OSBPL1A: variants seen among roughly 807,000 people sequenced by gnomAD.
The protein encoded by OSBPL1A is oxysterol binding protein like 1A.
A neutral mutation model predicts 137.1 loss-of-function variants in OSBPL1A; 80 were observed. The observed-to-expected ratio is 0.58, with a 90% CI of 0.49 to 0.70. The LOEUF (loss-of-function observed/expected upper bound fraction) is 0.70. Among genes scored for constraint, OSBPL1A ranks in the 30% least tolerant of loss-of-function variants. The probability of loss-of-function intolerance (pLI) is 0.00; values close to 1 mark genes in which losing one functional copy is unlikely to be tolerated. For synonymous variants in OSBPL1A, 365 were observed against 389.7 expected (o/e 0.94, Z 0.75); for missense variants, 970 against 1,129.4 (o/e 0.86, Z 2.02).
At chr18:24,312,774 T>C (rs2146114344) in intron 12 of OSBPL1A, among the ~76,000 whole-genome samples, 1 of 152,294 alleles carries the variant, frequency 6.6e-6, no homozygotes, top group East Asian at 1.9e-4. Context: ...GGAAAATAGA[T>C]TATTTTAACC....
At chr18:24,310,262 G>T (rs943954800) in intron 13 of OSBPL1A, among the ~76,000 whole-genome samples, 2 of 151,592 alleles carry the variant, frequency 1.3e-5, no homozygotes, top group Admixed American at 1.3e-4. Flanking sequence ...TATAGTCGAG[G>T]TTGATGACCT....
chr18:24,306,696 A>G (rs967702932), intron 13 of OSBPL1A, among the ~76,000 whole-genome samples: 1 of 152,184 alleles, frequency 6.6e-6, no homozygotes, highest in African/African-American at 2.4e-5. Context: ...CAACATTTTG[A>G]CATAATAAAA....
intron 13 of OSBPL1A, among the ~76,000 whole-genome samples, chr18:24,309,764 T>C (rs2090578354): frequency 6.6e-6 from 1 of 151,982 alleles, no homozygotes; most frequent in South Asian, 2.1e-4. Flanking sequence ...TTCACAGCAT[T>C]GGCCAGGCAT....
At chr18:24,216,756 TA>T (rs971832544) in intron 17 of OSBPL1A, among the ~76,000 whole-genome samples, 4 of 152,120 alleles carry the variant, frequency 2.6e-5, no homozygotes, top group Admixed American at 2.6e-4. Context: ...GTTCATCGGT[TA>T]TTTTTTTTTT....
At chr18:24,312,733 G>A (rs2090641288) in intron 12 of OSBPL1A, among the ~76,000 whole-genome samples, 7 of 152,012 alleles carry the variant, frequency 4.6e-5, no homozygotes, top group Admixed American at 4.6e-4. Flanking sequence ...GATTGTTTAG[G>A]GTTCTTTGCA....
Position 24,318,648 on chromosome 18 carries a change from G to A in OSBPL1A, c.688-3C>T. ...CGTTTCAATGCTTTGTAGATGACCT[G>A]TCAAAAACATGTTTTCATGAAAAAT... On this transcript the variant is annotated splice_polypyrimidine_tract_variant and splice_region_variant and intron_variant, in intron 8 of 27. Transcript: ENST00000319481. The A allele has an allele frequency of 6.2e-7, 1 of 1,609,012 alleles. No individual in the cohort carries two copies. Among genetic ancestry groups the A allele is most frequent in the South Asian group, 1.1e-5 (1 of 89,902 alleles).
chr18:24,205,676 T>A (rs1051961081), intron 17 of OSBPL1A, among the ~76,000 whole-genome samples: 2 of 152,196 alleles, frequency 1.3e-5, no homozygotes, highest in South Asian at 4.1e-4. Context: ...GCCTGAGTTG[T>A]TAAAGATTTA....
intron 4 of OSBPL1A, among the ~76,000 whole-genome samples, chr18:24,359,113 G>A (rs1055275458): frequency 3.3e-5 from 5 of 152,000 alleles, no homozygotes; most frequent in Non-Finnish European, 7.4e-5. Context: ...AATTCCTGGG[G>A]AGGCTAGGGT....
intron 11 of OSBPL1A, among the ~76,000 whole-genome samples, chr18:24,315,819 T>TATATA (rs1421046316): frequency 9.5e-5 from 5 of 52,742 alleles, no homozygotes; most frequent in Non-Finnish European, 1.7e-4. Context: ...TATAATAAAA[T>TATATA]ATATAATATA....
chr18:24,230,216 C>T (rs954071463), intron 16 of OSBPL1A, among the ~76,000 whole-genome samples: 3 of 152,042 alleles, frequency 2.0e-5, no homozygotes, highest in Non-Finnish European at 2.9e-5. Flanking sequence ...GGTTAGGCCA[C>T]GACACTCAGG....
intron 4 of OSBPL1A, among the ~76,000 whole-genome samples, chr18:24,351,347 C>CAAAAAAAAAAATAAA (rs2091436006): frequency 2.8e-5 from 1 of 35,770 alleles, no homozygotes. Context: ...GACTCTGTCT[C>CAAAAAAAAAAATAAA]AAAAAAAAAA....
intron 17 of OSBPL1A, among the ~76,000 whole-genome samples, chr18:24,208,038 C>T (rs965906940): frequency 5.3e-5 from 8 of 152,190 alleles, no homozygotes; most frequent in African/African-American, 1.9e-4. Flanking sequence ...AACCACCGCG[C>T]CCTGCCTACA....
At chr18:24,337,659 A>C (rs1212251055) in intron 5 of OSBPL1A, among the ~76,000 whole-genome samples, 1 of 151,698 alleles carries the variant, frequency 6.6e-6, no homozygotes, top group Non-Finnish European at 1.5e-5. Context: ...GTCACAATTA[A>C]ATGCAATGTG....
At chr18:24,332,405 A>C (rs2091096867) in intron 7 of OSBPL1A, among the ~76,000 whole-genome samples, 1 of 133,450 alleles carries the variant, frequency 7.5e-6, no homozygotes, top group South Asian at 2.3e-4. Context: ...AAAAAAAAAA[A>C]AAAAAAAAAA....
chr18:24,314,273 C>A lies in OSBPL1A; in HGVS notation c.945G>T (p.Lys315Asn), dbSNP rs759821036. 91 of 1,609,430 alleles carry A rather than the reference C, an allele frequency of 5.7e-5. No homozygotes were observed. The highest frequency in any genetic ancestry group is 2.4e-4 in the South Asian group (22 of 90,048). ...CCTCTCTTGACTGCTGAAGGCTATT[C>A]TTAGGAACCCGGAAGCCATGAATGG... is the stretch of plus-strand genomic sequence containing the variant. ...DDTIHGFRVP[K>N]NSLQQSREDW... The change falls in exon 12 of 28, where the codon AAG becomes AAT. Residue 315 changes from lysine to asparagine, a missense_variant. Around this residue, in one of 2 missense-constraint regions of OSBPL1A, gnomAD observed 647 missense variants for 672.6 expected, o/e 0.96. Transcript: ENST00000319481.
intron 15 of OSBPL1A, among the ~76,000 whole-genome samples, chr18:24,248,913 T>A (rs1448704989): frequency 2.0e-5 from 3 of 152,238 alleles, no homozygotes; most frequent in Admixed American, 6.5e-5. Flanking sequence ...CAAATGACAA[T>A]TTAACAAATA....
At chr18:24,237,554 C>A (rs1434956297) in intron 16 of OSBPL1A, among the ~76,000 whole-genome samples, 4 of 152,216 alleles carry the variant, frequency 2.6e-5, no homozygotes, top group Non-Finnish European at 4.4e-5. Flanking sequence ...GTCCTCCTGC[C>A]TTGGCCTCCC....
chr18:24,316,471 A>G (rs949720738), intron 11 of OSBPL1A, among the ~76,000 whole-genome samples: 2 of 152,224 alleles, frequency 1.3e-5, no homozygotes, highest in African/African-American at 4.8e-5. Flanking sequence ...TGGATAGGAA[A>G]AAGACACCAT....
chr18:24,175,108 G>A (rs9964058), intron 21 of OSBPL1A, among the ~76,000 whole-genome samples: 23,749 of 110,106 alleles, frequency 0.22, 4,284 homozygotes, highest in African/African-American at 0.56. Context: ...CCATGTGTAT[G>A]TATATATATA....
Sources: gnomAD v4.1 joint callset for allele counts (sites outside exome capture counted in the v4.1 genomes callset) on GRCh38, gnomAD v4.1.1 for gene constraint, gnomAD v4.1.1 regional missense constraint, MANE v1.5 for transcripts, NCBI Gene and HGNC (gene_info 2026-07-23, HGNC 2026-07-21) for gene names.